The following TRIM77 variants were observed in gnomAD, a reference collection of about 807,000 sequenced individuals.
TRIM77 encodes tripartite motif containing 77, also known as tripartite motif-containing protein 77.
Under a neutral mutation model 31.8 loss-of-function variants are expected in TRIM77, and 23 were observed. That is an observed-to-expected ratio of 0.72 (90% confidence interval 0.52 to 1.02). TRIM77 has a LOEUF of 1.02. Ranked by LOEUF, TRIM77 falls within the 50% of genes least tolerant of loss-of-function variation. TRIM77 has a pLI of 0.00. For missense variants in TRIM77, 446 were observed against 539.2 expected (o/e 0.83, Z 1.71); for synonymous variants, 159 against 183.1 (o/e 0.87, Z 1.06).
At chr11:89,714,541 C>A in intron 3 of TRIM77, 119 bp downstream of exon 3, 1 of 730,724 alleles carries the variant, frequency 1.4e-6, no homozygotes, top group Non-Finnish European at 2.2e-6. Flanking sequence ...CAGATTCTGC[C>A]TTTCCTGGCC....
Position 89,710,339 on chromosome 11 carries a change from C to T in TRIM77, c.41C>T (p.Thr14Ile), listed in dbSNP as rs149131417. Residue 14 changes from threonine to isoleucine, a missense_variant, in exon 1 of 6, where the codon ACC (threonine) becomes ATC (isoleucine). This residue lies in a region of TRIM77 where 72 missense variants were observed against 64.7 expected (regional missense o/e 1.11). Coordinates refer to ENST00000398290, the MANE Select transcript of TRIM77 (RefSeq NM_001146162.1). ...ACGCAGTGTTCTACCAGTGAGCTCACCTGCTCGATCTGCACAGACTATTTG... is the reference window on the plus strand; with the variant it reads ...ACGCAGTGTTCTACCAGTGAGCTCATCTGCTCGATCTGCACAGACTATTTG... Reference protein sequence around the residue: ...AITQCSTSELTCSICTDYLTD... With the variant: ...AITQCSTSELICSICTDYLTD... 2,362 of 1,544,422 alleles carry T rather than the reference C, an allele frequency of 1.5e-3. 23 individuals carry two copies. In the African/African-American group the frequency reaches 0.022, roughly 14 times the overall value.
chr11:89,715,456 G>C (rs1279880980), intron 4 of TRIM77, among the ~76,000 whole-genome samples: 2 of 152,108 alleles, frequency 1.3e-5, no homozygotes, highest in Non-Finnish European at 2.9e-5. Flanking sequence ...ATTCCAGGTT[G>C]TCAATGGGAA....
chr11:89,711,460 T>G lies in TRIM77; in HGVS notation c.462T>G (p.Asn154Lys). ...MKSIWKKKQK[N>K]QRNLNRETNI... is the part of the protein sequence containing the mutation. ...CCATCTGGAAAAAAAAACAGAAAAATCAAAGAAATCTAAACAGAGAGACCA... is the reference window on the plus strand; with the variant it reads ...CCATCTGGAAAAAAAAACAGAAAAAGCAAAGAAATCTAAACAGAGAGACCA... The change falls in exon 2 of 6, where the codon AAT (asparagine) becomes AAG (lysine). Residue 154 changes from asparagine (N) to lysine (K), a missense_variant. Around this residue, in one of 3 missense-constraint regions of TRIM77, gnomAD observed 366 missense variants for 447.9 expected, o/e 0.82. Coordinates refer to ENST00000398290, the MANE Select transcript of TRIM77 (RefSeq NM_001146162.1). 1 of 1,515,714 alleles carries G rather than the reference T, an allele frequency of 6.6e-7. No individual in the cohort carries two copies. The highest frequency in any genetic ancestry group is 8.8e-7 in the Non-Finnish European group (1 of 1,134,104). 93.9% of individuals were successfully genotyped at this position (1,515,714 alleles called of 1,614,324 possible). A position where few individuals can be genotyped will look rare whatever the true frequency, so the allele number is the denominator to read the frequency against.
chr11:89,713,757 C>T (rs1388497508), intron 2 of TRIM77, among the ~76,000 whole-genome samples: 1 of 151,958 alleles, frequency 6.6e-6, no homozygotes, highest in Non-Finnish European at 1.5e-5. Flanking sequence ...TAGCCAAACA[C>T]TGGTAAAAGC....
Position 89,717,524 on chromosome 11 carries a change from C to A in TRIM77, c.1005C>A (p.Ile335=), listed in dbSNP as rs1288619135. ...ATACTTCTTCATGGGGAGCTCAGAT[C>A]CTCAGCTCTGGCAAACATTACTGGG... The part of the protein sequence containing the change: ...TQYTSSWGAQ[I]LSSGKHYWEV... The change falls in exon 6 of 6, where the codon ATC becomes ATA. Residue 335 remains isoleucine (I), a synonymous_variant. Coordinates refer to ENST00000398290, the MANE Select transcript of TRIM77 (RefSeq NM_001146162.1). The A allele has an allele frequency of 1.1e-5, 17 of 1,551,400 alleles. No individual in the cohort carries two copies. Among genetic ancestry groups the A allele is most frequent in the Non-Finnish European group, 1.5e-5 (17 of 1,146,912 alleles).
At position 89,711,529 on chromosome 11, in the gene TRIM77, C is replaced by G. The variant is rs1333576152; in HGVS notation, c.507+24C>G. ...AAGTAAGCAGTAAGCTCATTTCTCT[C>G]AGAACCAGTTTGGAATAGAAAATGT... On this transcript the variant is annotated intron_variant, in intron 2 of 5. Coordinates refer to ENST00000398290, the MANE Select transcript of TRIM77 (RefSeq NM_001146162.1). 1.6e-5 allele frequency: 21 copies of G among 1,330,922 alleles called. No individual in the cohort carries two copies. In the East Asian group the frequency reaches 5.3e-4, roughly 33 times the overall value. The allele number at this position is 1,330,922 out of a possible 1,614,324, so 82.4% of individuals were successfully genotyped here.
intron 2 of TRIM77, among the ~76,000 whole-genome samples, chr11:89,713,369 T>C (rs909619505): frequency 1.4e-5 from 2 of 146,506 alleles, no homozygotes; most frequent in African/African-American, 5.0e-5. Flanking sequence ...GGAGGAAGGA[T>C]CTCCTGAGCC....
At chr11:89,713,048 C>A (rs550594323) in intron 2 of TRIM77, among the ~76,000 whole-genome samples, 77 of 151,938 alleles carry the variant, frequency 5.1e-4, no homozygotes, top group African/African-American at 1.8e-3. Context: ...CCGAGGTGGG[C>A]GGATCACGAG....
At position 89,716,020 on chromosome 11, in the gene TRIM77, G is replaced by A. The variant is rs766662493; in HGVS notation, c.859+33G>A. ...TGTGAACTGCACTAATGTTTCCAAC[G>A]TAAGTATTTTTATATGGGTGACCTA... is the stretch of plus-strand genomic sequence containing the variant. On this transcript the variant is annotated intron_variant, in intron 5 of 5. Coordinates refer to ENST00000398290, the MANE Select transcript of TRIM77 (RefSeq NM_001146162.1). 173 of 1,379,326 alleles carry A rather than the reference G, an allele frequency of 1.3e-4. 1 individual carries two copies. In the Admixed American group the frequency reaches 2.5e-3, roughly 20 times the overall value. The allele number at this position is 1,379,326 out of a possible 1,614,324, so 85.4% of individuals were successfully genotyped here. A position where few individuals can be genotyped will look rare whatever the true frequency, so the allele number is the denominator to read the frequency against.
chr11:89,712,013 G>A (rs779547869), intron 2 of TRIM77, among the ~76,000 whole-genome samples: 8 of 152,148 alleles, frequency 5.3e-5, no homozygotes, highest in Non-Finnish European at 1.2e-4. Context: ...AAAGAGTCAG[G>A]CAGTGGTGAG....
At position 89,717,636 on chromosome 11, in the gene TRIM77, G is replaced by A. The variant is rs147687504; in HGVS notation, c.1117G>A (p.Glu373Lys). 1 of 1,551,326 alleles carries A rather than the reference G, an allele frequency of 6.4e-7. No individual in the cohort carries two copies. Among genetic ancestry groups the A allele is most frequent in the Admixed American group, 2.0e-5 (1 of 50,982 alleles). Reference sequence around the variant, plus strand: ...GAGGAATGACATGCGACTTGACTCTGAGGGTATCTTTCTACTCCTGTGTCT... The same window carrying A: ...GAGGAATGACATGCGACTTGACTCTAAGGGTATCTTTCTACTCCTGTGTCT... ...TKRNDMRLDS[E>K]GIFLLLCLKV... The change falls in exon 6 of 6, where the codon GAG (glutamate) becomes AAG (lysine). Residue 373 changes from glutamate to lysine, a missense_variant. Physicochemically the swap from Glu to Lys is moderately conservative, Grantham distance 56. Coordinates refer to ENST00000398290, the MANE Select transcript of TRIM77 (RefSeq NM_001146162.1).
intron 1 of TRIM77, among the ~76,000 whole-genome samples, 184 bp downstream of exon 1, chr11:89,710,893 A>T (rs1331119620): frequency 6.6e-6 from 1 of 152,162 alleles, no homozygotes; most frequent in Non-Finnish European, 1.5e-5. Flanking sequence ...GAAACCAAAC[A>T]TCCCTGCTCA....
intron 4 of TRIM77, 94 bp downstream of exon 4, chr11:89,715,274 G>A (rs1036396438): frequency 3.4e-5 from 40 of 1,161,858 alleles, no homozygotes; most frequent in South Asian, 1.4e-4. Flanking sequence ...AGGAATTTCT[G>A]TCTGTATTTA....
At position 89,714,298 on chromosome 11, in the gene TRIM77, G is replaced by A. The variant is rs1256743029; in HGVS notation, c.614G>A (p.Gly205Asp). 48 of 1,551,496 alleles carry A rather than the reference G, an allele frequency of 3.1e-5. No individual in the cohort carries two copies. Among genetic ancestry groups the A allele is most frequent in the Non-Finnish European group, 3.8e-5 (44 of 1,146,902 alleles). ...QKHVESLAREGRIIFQQLKRS... is the reference protein window; with the variant it reads ...QKHVESLAREDRIIFQQLKRS... Reference sequence around the variant, plus strand: ...CACGTAGAGAGCCTGGCAAGAGAAGGCAGGATAATTTTTCAGCAACTCAAG... The same window carrying A: ...CACGTAGAGAGCCTGGCAAGAGAAGACAGGATAATTTTTCAGCAACTCAAG... The change falls in exon 3 of 6, where the codon GGC becomes GAC. Residue 205 changes from glycine to aspartate, a missense_variant. Gly to Asp is a moderately conservative substitution (Grantham distance 94, BLOSUM62 -1). Around this residue, in one of 3 missense-constraint regions of TRIM77, gnomAD observed 366 missense variants for 447.9 expected, o/e 0.82. Coordinates refer to ENST00000398290, the MANE Select transcript of TRIM77 (RefSeq NM_001146162.1).
chr11:89,711,320 A>C (rs1188873569), intron 1 of TRIM77, 90 bp from the exon 2 acceptor site: 4 of 639,074 alleles, frequency 6.3e-6, no homozygotes, highest in Non-Finnish European at 1.0e-5. Context: ...TGCACTCTTT[A>C]CTTGTCCCAT....
Position 89,714,300 on chromosome 11 carries a change from A to C in TRIM77, c.616A>C (p.Arg206=). ...KHVESLAREG[R]IIFQQLKRSQ... is the part of the protein sequence containing the mutation. ...CGTAGAGAGCCTGGCAAGAGAAGGC[A>C]GGATAATTTTTCAGCAACTCAAGAG... Residue 206 remains arginine, a synonymous_variant, in exon 3 of 6, where the codon AGG becomes CGG. Coordinates refer to ENST00000398290, the MANE Select transcript of TRIM77 (RefSeq NM_001146162.1). The C allele has an allele frequency of 1.3e-6, 2 of 1,551,708 alleles. No individual in the cohort carries two copies. The highest frequency in any genetic ancestry group is 1.7e-6 in the Non-Finnish European group (2 of 1,146,912).
At chr11:89,711,798 T>C (rs1949124359) in intron 2 of TRIM77, among the ~76,000 whole-genome samples, 1 of 152,056 alleles carries the variant, frequency 6.6e-6, no homozygotes, top group Admixed American at 6.5e-5. Context: ...AAGGTAAAAA[T>C]GTGGTTCTAC....
Position 89,714,736 on chromosome 11 carries a change from G to T in TRIM77, c.738+314G>T, listed in dbSNP as rs749107167. ...GAGCAGCTCATGAATACATGATTCA[G>T]TTTTGTATAAGGATGTGTCAATATG... On this transcript the variant is annotated intron_variant, in intron 3 of 5. Transcript: ENST00000398290. 4.8e-4 allele frequency among the ~76,000 whole-genome samples: 73 copies of T among 152,284 alleles called. 1 individual carries two copies. The highest frequency in any genetic ancestry group is 6.0e-4 in the Non-Finnish European group (41 of 68,028).
chr11:89,714,012 C>T (rs1302531203), intron 2 of TRIM77, among the ~76,000 whole-genome samples, 180 bp from the exon 3 acceptor site: 2 of 151,654 alleles, frequency 1.3e-5, no homozygotes, highest in Non-Finnish European at 2.9e-5. Flanking sequence ...TGGAGTGATG[C>T]AGGGAAACGG....
Sources: gnomAD v4.1 joint callset for allele counts (sites outside exome capture counted in the v4.1 genomes callset) on GRCh38, gnomAD v4.1.1 for gene constraint, gnomAD v4.1.1 regional missense constraint, MANE v1.5 for transcripts, NCBI Gene and HGNC (gene_info 2026-07-23, HGNC 2026-07-21) for gene names.